The following ATP6V1E1 variants were observed in gnomAD, a reference collection of about 807,000 sequenced individuals.
ATP6V1E1 encodes ATPase H+ transporting V1 subunit E1.
A neutral mutation model predicts 35.2 loss-of-function variants in ATP6V1E1; 21 were observed. The observed-to-expected ratio is 0.60, with a 90% CI of 0.42 to 0.86. ATP6V1E1 has a LOEUF of 0.86. Among genes scored for constraint, ATP6V1E1 ranks in the 40% least tolerant of loss-of-function variants. The pLI is 0.00. For synonymous variants in ATP6V1E1, 83 were observed against 87.8 expected (o/e 0.95, Z 0.30); for missense variants, 183 against 272.6 (o/e 0.67, Z 2.32).
intron 2 of ATP6V1E1, among the ~76,000 whole-genome samples, chr22:17,618,478 C>A (rs1354155337): frequency 6.6e-6 from 1 of 151,148 alleles, no homozygotes. Context: ...GTCAGGAGAT[C>A]GAGACCATCC....
intron 2 of ATP6V1E1, among the ~76,000 whole-genome samples, chr22:17,617,721 T>C (rs1052696672): frequency 6.6e-6 from 1 of 152,250 alleles, no homozygotes; most frequent in African/African-American, 2.4e-5. Context: ...TGGAAATATA[T>C]ATAAAACTTC....
intron 1 of ATP6V1E1, among the ~76,000 whole-genome samples, chr22:17,627,904 C>T (rs76667464): frequency 1.3e-5 from 2 of 150,362 alleles, no homozygotes; most frequent in East Asian, 3.9e-4. Context: ...CAGGTCTCTT[C>T]CCTCCGCACT....
intron 7 of ATP6V1E1, 30 bp downstream of exon 7, chr22:17,598,164 G>GTAGC: frequency 6.5e-7 from 1 of 1,546,420 alleles, no homozygotes; most frequent in Non-Finnish European, 8.9e-7. Context: ...GGGAGAGAAG[G>GTAGC]TAGCTGTTAG....
At chr22:17,609,126 C>T (rs1161555051) in intron 4 of ATP6V1E1, among the ~76,000 whole-genome samples, 1 of 131,954 alleles carries the variant, frequency 7.6e-6, no homozygotes, top group Non-Finnish European at 1.5e-5. Context: ...AACAAACAAA[C>T]AAACAAACAA....
chr22:17,625,075 A>G (rs1017058809), intron 1 of ATP6V1E1, among the ~76,000 whole-genome samples: 2 of 152,176 alleles, frequency 1.3e-5, no homozygotes, highest in African/African-American at 4.8e-5. Context: ...AAGGTTTAAA[A>G]AAACCCTTTG....
chr22:17,598,584 T>C lies in ATP6V1E1; in HGVS notation c.436-296A>G, dbSNP rs5992073. Reference sequence around the variant, plus strand: ...GATCAGCAGGAGGAAGATACATTATTCCCCCAGCTGAGAGTGTTAGAAGCT... The same window carrying C: ...GATCAGCAGGAGGAAGATACATTATCCCCCCAGCTGAGAGTGTTAGAAGCT... On this transcript the variant is annotated intron_variant, in intron 6 of 8. Coordinates refer to ENST00000253413, the MANE Select transcript of ATP6V1E1 (RefSeq NM_001696.4). Among the ~76,000 whole-genome samples, 15,899 of 151,286 alleles carry C rather than the reference T, an allele frequency of 0.11. 1,761 individuals carry two copies. The highest frequency in any genetic ancestry group is 0.28 in the African/African-American group (11,704 of 41,352).
At chr22:17,615,040 C>T (rs1037715720) in intron 2 of ATP6V1E1, among the ~76,000 whole-genome samples, 1 of 152,076 alleles carries the variant, frequency 6.6e-6, no homozygotes, top group South Asian at 2.1e-4. Flanking sequence ...CCATGGCTCA[C>T]GCCTATAATC....
chr22:17,599,934 G>T, intron 6 of ATP6V1E1, 93 bp downstream of exon 6: 3 of 989,022 alleles, frequency 3.0e-6, no homozygotes, highest in Non-Finnish European at 4.4e-6. Context: ...AAAAAAAAAA[G>T]AAAAGGAAGG....
At chr22:17,619,380 G>T in intron 2 of ATP6V1E1, 81 bp downstream of exon 2, 1 of 1,259,868 alleles carries the variant, frequency 7.9e-7, no homozygotes, top group Non-Finnish European at 1.1e-6. Context: ...TTGTTAAGCA[G>T]TTTTACTAAC....
chr22:17,610,339 G>A (rs562698685), intron 4 of ATP6V1E1, among the ~76,000 whole-genome samples: 2 of 152,136 alleles, frequency 1.3e-5, no homozygotes, highest in Non-Finnish European at 2.9e-5. Context: ...TACAAGTCAA[G>A]TCAAATCCAC....
intron 7 of ATP6V1E1, among the ~76,000 whole-genome samples, chr22:17,596,121 C>T (rs918609223): frequency 1.4e-5 from 2 of 147,704 alleles, no homozygotes; most frequent in South Asian, 2.1e-4. Flanking sequence ...GAGAGTGAGA[C>T]TCTGTCTCAA....
At chr22:17,626,011 G>A (rs544674670) in intron 1 of ATP6V1E1, among the ~76,000 whole-genome samples, 4 of 151,954 alleles carry the variant, frequency 2.6e-5, no homozygotes, top group African/African-American at 7.3e-5. Flanking sequence ...CTAAATGTAA[G>A]CAAAAGGGGT....
At chr22:17,613,413 C>T in intron 2 of ATP6V1E1, 93 bp from the exon 3 acceptor site, 1 of 912,076 alleles carries the variant, frequency 1.1e-6, no homozygotes, top group Non-Finnish European at 1.7e-6. Flanking sequence ...CTTATGAACA[C>T]TAATTTCATA....
chr22:17,626,508 T>C (rs2057906566), intron 1 of ATP6V1E1, among the ~76,000 whole-genome samples: 1 of 151,402 alleles, frequency 6.6e-6, no homozygotes, highest in South Asian at 2.1e-4. Context: ...CCTAAGTAGC[T>C]AGGAGCACAT....
At chr22:17,593,270 TA>T (rs925688328) in intron 8 of ATP6V1E1, among the ~76,000 whole-genome samples, 4 of 147,762 alleles carry the variant, frequency 2.7e-5, no homozygotes, top group Non-Finnish European at 6.0e-5. Context: ...AGGGACACAT[TA>T]AAAAAAAACA....
At chr22:17,626,913 G>A (rs940939579) in intron 1 of ATP6V1E1, among the ~76,000 whole-genome samples, 8 of 151,892 alleles carry the variant, frequency 5.3e-5, no homozygotes, top group South Asian at 2.1e-4. Context: ...GGGATCAAGC[G>A]ATCCTCCCAC....
intron 1 of ATP6V1E1, among the ~76,000 whole-genome samples, chr22:17,623,729 C>T (rs1030193442): frequency 6.6e-6 from 1 of 152,128 alleles, no homozygotes; most frequent in Non-Finnish European, 1.5e-5. Context: ...CAAGTTTGGC[C>T]TCTAAAGGTG....
chr22:17,612,962 T>C lies in ATP6V1E1; in HGVS notation c.210-84A>G, dbSNP rs572459867. 21 of 1,330,712 alleles carry C rather than the reference T, an allele frequency of 1.6e-5. 1 individual carries two copies. In the African/African-American group the frequency reaches 2.8e-4, roughly 18 times the overall value. The allele number at this position is 1,330,712 out of a possible 1,614,324, so 82.4% of individuals were successfully genotyped here. ...TCGAACTCCTGGGCTCAAGCAATCC[T>C]CCTCCCTTGGCCTCCCCAAAGCACC... is the stretch of plus-strand genomic sequence containing the variant. On this transcript the variant is annotated intron_variant, in intron 3 of 8. Coordinates refer to ENST00000253413, the MANE Select transcript of ATP6V1E1 (RefSeq NM_001696.4).
At chr22:17,615,267 C>T (rs375151299) in intron 2 of ATP6V1E1, among the ~76,000 whole-genome samples, 1 of 152,118 alleles carries the variant, frequency 6.6e-6, no homozygotes. Context: ...TGCCACTGCA[C>T]TCTAGCCTGG....
Sources: allele counts gnomAD v4.1 joint callset (sites outside exome capture counted in the v4.1 genomes callset), GRCh38; gene constraint gnomAD v4.1.1; transcripts MANE v1.5; gene names NCBI Gene and HGNC (gene_info 2026-07-23, HGNC 2026-07-21).